The following BCAR3 variants were observed in gnomAD, a reference collection of about 807,000 sequenced individuals.
BCAR3 encodes the protein BCAR3 adaptor protein, NSP family member, also known as breast cancer anti-estrogen resistance protein 3.
In BCAR3, 37 loss-of-function variants were observed where a neutral mutation model predicts 80.1. The ratio of observed to expected loss-of-function variants is 0.46; its 90% CI spans 0.36 to 0.61. The LOEUF (loss-of-function observed/expected upper bound fraction) is 0.61. Among genes scored for constraint, BCAR3 ranks in the 20% least tolerant of loss-of-function variants. The probability of loss-of-function intolerance (pLI) is 0.00; values close to 1 mark genes in which losing one functional copy is unlikely to be tolerated. For synonymous variants in BCAR3, 389 were observed against 418.9 expected (o/e 0.93, Z 0.87); for missense variants, 978 against 1,068.2 (o/e 0.92, Z 1.18).
intron 2 of BCAR3, among the ~76,000 whole-genome samples, chr1:93,716,480 C>T (rs1022105119): frequency 6.6e-6 from 1 of 152,180 alleles, no homozygotes; most frequent in Non-Finnish European, 1.5e-5. Context: ...ATTAGCTTGG[C>T]CTGTGAGATC....
intron 3 of BCAR3, among the ~76,000 whole-genome samples, chr1:93,698,403 G>A (rs949988565): frequency 6.6e-6 from 1 of 152,226 alleles, no homozygotes; most frequent in Non-Finnish European, 1.5e-5. Flanking sequence ...CCCAGGATCT[G>A]GTGATAGATG....
At chr1:93,712,490 C>A (rs915596735) in intron 2 of BCAR3, among the ~76,000 whole-genome samples, 1 of 152,218 alleles carries the variant, frequency 6.6e-6, no homozygotes, top group Admixed American at 6.5e-5. Flanking sequence ...GTTGCTCTGT[C>A]CTTCTGATTT....
intron 2 of BCAR3, among the ~76,000 whole-genome samples, chr1:93,756,849 G>A (rs1651764541): frequency 1.3e-5 from 2 of 152,196 alleles, no homozygotes; most frequent in Non-Finnish European, 2.9e-5. Context: ...ACTAGTCCCT[G>A]GCATTCCTAT....
chr1:93,695,606 CTTGCTCAA>C (rs1453210849), intron 3 of BCAR3, among the ~76,000 whole-genome samples: 1 of 152,206 alleles, frequency 6.6e-6, no homozygotes, highest in Non-Finnish European at 1.5e-5. Flanking sequence ...CCCTGAACAG[CTTGCTCAA>C]TTTTATGCCC....
intron 7 of BCAR3, 113 bp from the exon 8 acceptor site, chr1:93,576,242 G>A: frequency 2.7e-6 from 2 of 746,120 alleles, no homozygotes; most frequent in South Asian, 1.6e-5. Flanking sequence ...CACTTTATGA[G>A]TTACATTTCT....
intron 3 of BCAR3, among the ~76,000 whole-genome samples, chr1:93,633,938 A>C (rs902845482): frequency 6.6e-6 from 1 of 152,186 alleles, no homozygotes; most frequent in Admixed American, 6.5e-5. Flanking sequence ...CTTGCTTTTT[A>C]AGGTCAGGCT....
chr1:93,739,928 C>T (rs1252028181), intron 2 of BCAR3, among the ~76,000 whole-genome samples: 1 of 151,416 alleles, frequency 6.6e-6, no homozygotes, highest in African/African-American at 2.4e-5. Flanking sequence ...CCCAGCTACT[C>T]GGGAGGCTGA....
chr1:93,592,217 T>C lies in BCAR3; in HGVS notation c.486+48A>G, dbSNP rs1570944005. 2 of 1,610,432 alleles carry C rather than the reference T, an allele frequency of 1.2e-6. No individual in the cohort carries two copies. The highest frequency in any genetic ancestry group is 1.7e-6 in the Non-Finnish European group (2 of 1,179,288). On this transcript the variant is annotated intron_variant, in intron 4 of 11. Coordinates refer to ENST00000260502, the MANE Select transcript of BCAR3 (RefSeq NM_003567.4). The surrounding 1 kb of genome is among the most constrained non-coding windows in gnomAD (Gnocchi z 4.8). ...ACCCTGCGGGTCATCAATCTGTACA[T>C]TGCCTGAGAGCAGCCGTGTATGCTC...
At chr1:93,614,641 G>A (rs1675051767) in intron 3 of BCAR3, among the ~76,000 whole-genome samples, 1 of 152,168 alleles carries the variant, frequency 6.6e-6, no homozygotes, top group Non-Finnish European at 1.5e-5. Context: ...TACTGGCAAA[G>A]CAATATTGCC....
intron 2 of BCAR3, among the ~76,000 whole-genome samples, chr1:93,733,974 T>C (rs1007415864): frequency 6.6e-6 from 1 of 152,226 alleles, no homozygotes; most frequent in Non-Finnish European, 1.5e-5. Flanking sequence ...TCTGGCCTTA[T>C]TGGATTTCTA....
chr1:93,789,274 C>T (rs115194726), intron 2 of BCAR3, among the ~76,000 whole-genome samples: 1,710 of 152,300 alleles, frequency 0.011, 16 homozygotes, highest in South Asian at 0.025. Context: ...CTACACCCAA[C>T]CTATTAAAAT....
At chr1:93,728,331 G>A (rs963207148) in intron 2 of BCAR3, among the ~76,000 whole-genome samples, 1 of 152,220 alleles carries the variant, frequency 6.6e-6, no homozygotes, top group Non-Finnish European at 1.5e-5. Context: ...CCACCCCATG[G>A]CAGTGTTGAG....
At position 93,571,759 on chromosome 1, in the gene BCAR3, T is replaced by C; in HGVS notation, c.1885A>G (p.Lys629Glu). The C allele has an allele frequency of 6.2e-7, 1 of 1,614,166 alleles. No individual in the cohort carries two copies. The highest frequency in any genetic ancestry group is 8.5e-7 in the Non-Finnish European group (1 of 1,180,024). Residue 629 changes from lysine to glutamate, a missense_variant, in exon 9 of 12, where the codon AAG (lysine) becomes GAG (glutamate). Coordinates refer to ENST00000260502, the MANE Select transcript of BCAR3 (RefSeq NM_003567.4). ...AGTTCCACCGCCACCTGGATGATCT[T>C]ACTCAGAGTGGCCGCTCGGTCCTCC... ...TLEDRAATLS[K>E]IIQVAVELKD...
At chr1:93,798,135 A>G (rs114330804) in intron 2 of BCAR3, among the ~76,000 whole-genome samples, 2,379 of 152,286 alleles carry the variant, frequency 0.016, 55 homozygotes, top group African/African-American at 0.055. Context: ...GAATGAGTTC[A>G]TGGACATGCT....
At chr1:93,668,701 GCTTTTTTTTTTTT>G (rs1374924719) in intron 2 of BCAR3, among the ~76,000 whole-genome samples, 1 of 150,360 alleles carries the variant, frequency 6.7e-6, no homozygotes, top group Non-Finnish European at 1.5e-5. Flanking sequence ...TCTAATAAAA[GCTTTTTTTTTTTT>G]CTTTTTTTTT....
chr1:93,830,041 C>T (rs575465026), intron 2 of BCAR3, among the ~76,000 whole-genome samples: 4 of 152,362 alleles, frequency 2.6e-5, no homozygotes, highest in African/African-American at 9.6e-5. Context: ...GAAGTGCTTG[C>T]TCCCTCTTTG....
chr1:93,601,077 A>G (rs932588414), intron 3 of BCAR3, among the ~76,000 whole-genome samples: 3 of 152,206 alleles, frequency 2.0e-5, no homozygotes, highest in Non-Finnish European at 4.4e-5. Flanking sequence ...TTCTCTATGC[A>G]TAAGGAGTGG....
intron 2 of BCAR3, among the ~76,000 whole-genome samples, chr1:93,808,220 C>T (rs1653720079): frequency 6.6e-6 from 1 of 151,746 alleles, no homozygotes; most frequent in South Asian, 2.1e-4. Context: ...TTTCAGAGCC[C>T]CAACAGGGCA....
rs1448587273 is a variant in BCAR3, at chr1:93,592,628, TC to T, written c.358-236del. 1 of 439,186 alleles carries T rather than the reference TC, an allele frequency of 2.3e-6. No individual in the cohort carries two copies. The highest frequency in any genetic ancestry group is 4.0e-6 in the Non-Finnish European group (1 of 249,856). The allele number at this position is 439,186 out of a possible 1,614,324, so 27.2% of individuals were successfully genotyped here. A position where few individuals can be genotyped will look rare whatever the true frequency, so the allele number is the denominator to read the frequency against. The stretch of plus-strand genomic sequence containing the variant: ...ATGGTAGGAGAGTCCACCAAGAGGT[TC>T]CTTTTACCAGTCTACTCAAGCAGCT... On this transcript the variant is annotated intron_variant, in intron 3 of 11. Transcript: ENST00000260502. The surrounding 1 kb of genome is among the most constrained non-coding windows in gnomAD (Gnocchi z 4.8).
Sources: allele counts gnomAD v4.1 joint callset (sites outside exome capture counted in the v4.1 genomes callset), GRCh38; gene constraint gnomAD v4.1.1; non-coding constraint Gnocchi (gnomAD v3.1); transcripts MANE v1.5; gene names NCBI Gene and HGNC (gene_info 2026-07-23, HGNC 2026-07-21).